The following HOXB3 variants were observed in gnomAD, a reference collection of about 807,000 sequenced individuals.
HOXB3 encodes the protein homeobox B3, also known as homeobox protein Hox-B3.
Under a neutral mutation model 29.2 loss-of-function variants are expected in HOXB3, and 17 were observed. The ratio of observed to expected loss-of-function variants is 0.58; its 90% confidence interval spans 0.40 to 0.87. The LOEUF is 0.87. HOXB3 is among the 40% of genes least tolerant of loss of function. The pLI, the probability that HOXB3 is intolerant of heterozygous loss-of-function variation, is 0.00. For missense variants in HOXB3, 637 were observed against 616.3 expected, an observed-to-expected ratio of 1.03 and a Z score of -0.35; for synonymous variants, 317 against 285.9, an observed-to-expected ratio of 1.11 and a Z score of -1.10.
chr17:48,553,170 G>A (rs1412424856), intron 3 of HOXB3: 1 of 152,180 alleles, frequency 6.6e-6, no homozygotes, highest in Non-Finnish European at 1.5e-5. Context: ...CTCTTGTGAG[G>A]TATCCTCTCC....
chr17:48,554,984 A>G lies in HOXB3; in HGVS notation c.-159+547T>C. On this transcript the variant is annotated intron_variant, in intron 3 of 4. Transcript: ENST00000498678. The surrounding 1 kb of genome is among the most constrained non-coding windows in gnomAD (Gnocchi z 4.1). Reference sequence around the variant, plus strand: ...TCCATGTTGGAAAAATTCAGGTTCCATATGGCTCCTCGGGAGGGAGGGAGG... The same window carrying G: ...TCCATGTTGGAAAAATTCAGGTTCCGTATGGCTCCTCGGGAGGGAGGGAGG... 3.5e-6 allele frequency: 2 copies of G among 572,658 alleles called. No homozygotes were observed. The highest frequency in any genetic ancestry group is 1.9e-5 in the South Asian group (1 of 51,850). 35.5% of individuals were successfully genotyped at this position (572,658 alleles called of 1,614,324 possible). A position where few individuals can be genotyped will look rare whatever the true frequency, so the allele number is the denominator to read the frequency against.
chr17:48,554,661 G>A lies in HOXB3; in HGVS notation c.-159+870C>T. 1.4e-6 allele frequency: 1 copy of A among 702,306 alleles called. No homozygotes were observed. The highest frequency in any genetic ancestry group is 2.6e-6 in the Non-Finnish European group (1 of 384,796). 43.5% of individuals were successfully genotyped at this position (702,306 alleles called of 1,614,324 possible). ...GGCCCAAGGAGGCGAAGAAGAGCAA[G>A]CGATCAGGACACCAAAACGGTTATC... On this transcript the variant is annotated intron_variant, in intron 3 of 4. Coordinates refer to ENST00000498678, the MANE Select transcript of HOXB3 (RefSeq NM_001384749.1). The surrounding 1 kb of genome is among the most constrained non-coding windows in gnomAD (Gnocchi z 4.1).
intron 1 of HOXB3, among the ~76,000 whole-genome samples, chr17:48,583,115 C>G (rs1403841426): frequency 6.6e-6 from 1 of 152,162 alleles, no homozygotes; most frequent in East Asian, 1.9e-4. Flanking sequence ...TTTGGAAGCT[C>G]CAGGGCCTAG....
Position 48,550,831 on chromosome 17 carries a change from G to C in HOXB3, c.799C>G (p.Gln267Glu). The change falls in exon 5 of 5, where the codon CAG becomes GAG. Residue 267 changes from glutamine (Q) to glutamate (E), a missense_variant. Coordinates refer to ENST00000498678, the MANE Select transcript of HOXB3 (RefSeq NM_001384749.1). ...GGPSPAGSPP[Q>E]PMQSTAGFMN... ...AAGCCGGCCGTGGACTGCATGGGCTGCGGGGGGCTGCCGGCTGGAGATGGG... is the reference window on the plus strand; with the variant it reads ...AAGCCGGCCGTGGACTGCATGGGCTCCGGGGGGCTGCCGGCTGGAGATGGG... 6.2e-7 allele frequency: 1 copy of C among 1,613,822 alleles called. No individual in the cohort carries two copies. The highest frequency in any genetic ancestry group is 8.5e-7 in the Non-Finnish European group (1 of 1,179,866).
intron 1 of HOXB3, chr17:48,577,156 A>G (rs967490539): frequency 6.7e-5 from 59 of 876,608 alleles, no homozygotes; most frequent in Admixed American, 3.9e-4. Context: ...GAGAGCGGGG[A>G]AAAACGAAAA....
At chr17:48,570,260 GA>G (rs1484647195) in intron 2 of HOXB3, among the ~76,000 whole-genome samples, 1 of 152,076 alleles carries the variant, frequency 6.6e-6, no homozygotes, top group Non-Finnish European at 1.5e-5. Context: ...TAAAGAGAGA[GA>G]CACACACAGA....
intron 2 of HOXB3, among the ~76,000 whole-genome samples, chr17:48,563,207 G>A (rs905822475): frequency 6.6e-6 from 1 of 152,214 alleles, no homozygotes; most frequent in African/African-American, 2.4e-5. Context: ...AGGGTAGAGG[G>A]GCAGGGGCCA....
At chr17:48,569,474 C>A (rs1033538314) in intron 2 of HOXB3, among the ~76,000 whole-genome samples, 1 of 139,564 alleles carries the variant, frequency 7.2e-6, no homozygotes, top group Admixed American at 7.2e-5. Context: ...CGTGGAGGTG[C>A]AGAAATAGTC....
intron 1 of HOXB3, chr17:48,577,798 C>T: frequency 7.6e-7 from 1 of 1,314,474 alleles, no homozygotes; most frequent in Non-Finnish European, 9.8e-7. Flanking sequence ...CCAACCCATG[C>T]CTCCGAAGTC....
rs553487667 is a variant in HOXB3 at position 48,574,507 on chromosome 17, C to T, written c.-424-493G>A. The T allele has an allele frequency of 5.9e-5, 9 of 152,312 alleles. No homozygotes were observed. The East Asian group carries it at 7.7e-4, about 13-fold the overall frequency. 9.4% of individuals were successfully genotyped at this position (152,312 alleles called of 1,614,324 possible). ...GCAAAATAAATAACAATAAAACGCG[C>T]GGGTGGGATTGGTTCTTTTTATTTT... is the stretch of plus-strand genomic sequence containing the variant. On this transcript the variant is annotated intron_variant, in intron 1 of 4. Coordinates refer to ENST00000498678, the MANE Select transcript of HOXB3 (RefSeq NM_001384749.1).
At chr17:48,589,268 C>G (rs2070103153) in intron 1 of HOXB3, among the ~76,000 whole-genome samples, 1 of 152,164 alleles carries the variant, frequency 6.6e-6, no homozygotes, top group Admixed American at 6.5e-5. Context: ...TTCCTCCCGA[C>G]AGTTGAGGGA....
At chr17:48,552,933 T>A (rs548366706) in intron 3 of HOXB3, 18 of 156,644 alleles carry the variant, frequency 1.1e-4, no homozygotes, top group Admixed American at 3.2e-4. Context: ...TCCCTATCTC[T>A]CCTCCCCAAC....
In HOXB3 at chr17:48,550,231, A is replaced by G. The variant is rs2068661950; in HGVS notation, c.*103T>C. 8 of 1,488,894 alleles carry G rather than the reference A, an allele frequency of 5.4e-6. No individual in the cohort carries two copies. In the South Asian group the frequency reaches 8.8e-5, roughly 16 times the overall value. The allele number at this position is 1,488,894 out of a possible 1,614,324, so 92.2% of individuals were successfully genotyped here. A position where few individuals can be genotyped will look rare whatever the true frequency, so the allele number is the denominator to read the frequency against. On this transcript the variant is annotated 3_prime_UTR_variant, in exon 5 of 5. Transcript: ENST00000498678. ...CCGGTTCTGACCAGGAAGCCTGGGT[A>G]CCACCTTCTCTGGCTCCTCTTTTCA... is the stretch of plus-strand genomic sequence containing the variant.
intron 1 of HOXB3, chr17:48,576,562 C>T (rs1051918017): frequency 1.8e-6 from 1 of 553,900 alleles, no homozygotes. Context: ...AAAGCTTCCC[C>T]TCCCCCTCTT....
chr17:48,562,910 C>A (rs2144812602), intron 2 of HOXB3, among the ~76,000 whole-genome samples: 1 of 152,314 alleles, frequency 6.6e-6, no homozygotes, highest in Non-Finnish European at 1.5e-5. Flanking sequence ...CATCCTCCTG[C>A]ATGGCTCCCT....
intron 1 of HOXB3, chr17:48,580,068 G>A: frequency 7.5e-6 from 3 of 401,760 alleles, no homozygotes. Flanking sequence ...AACAGAAAAA[G>A]GCAGTGCGAG....
At chr17:48,588,101 T>G (rs924171893) in intron 1 of HOXB3, among the ~76,000 whole-genome samples, 4 of 152,058 alleles carry the variant, frequency 2.6e-5, no homozygotes, top group Admixed American at 6.5e-5. Flanking sequence ...AGGACAGAGG[T>G]CTGGGGCAGA....
chr17:48,584,556 T>G (rs2070010924), intron 1 of HOXB3, among the ~76,000 whole-genome samples: 1 of 152,210 alleles, frequency 6.6e-6, no homozygotes, highest in Non-Finnish European at 1.5e-5. Context: ...GAAGTATTCT[T>G]TGGCCCTGCC....
chr17:48,577,142 G>A lies in HOXB3; in HGVS notation c.-424-3128C>T, dbSNP rs564494615. 21 of 933,470 alleles carry A rather than the reference G, an allele frequency of 2.2e-5. 1 individual carries two copies. The South Asian group carries it at 3.4e-4, about 15-fold the overall frequency. 57.8% of individuals were successfully genotyped at this position (933,470 alleles called of 1,614,324 possible). On this transcript the variant is annotated intron_variant, in intron 1 of 4. Transcript: ENST00000498678. ...TCTCCCGCCACCTCTTCTTCCTTCT[G>A]AGGGAGAGCGGGGAAAAACGAAAAG...
Sources: gnomAD v4.1 joint callset for allele counts (sites outside exome capture counted in the v4.1 genomes callset) on GRCh38, gnomAD v4.1.1 for gene constraint, Gnocchi (gnomAD v3.1) non-coding constraint, MANE v1.5 for transcripts, NCBI Gene and HGNC (gene_info 2026-07-23, HGNC 2026-07-21) for gene names.